The following TM2D1 variants were observed in gnomAD, a reference collection of about 807,000 sequenced individuals.
The protein encoded by TM2D1 is TM2 domain-containing protein 1.
TM2D1 carries 15 observed loss-of-function variants against 28.4 expected under a neutral mutation model. The ratio of observed to expected loss-of-function variants is 0.53; its 90% confidence interval spans 0.35 to 0.81. The LOEUF is 0.81. Among genes scored for constraint, TM2D1 ranks in the 40% least tolerant of loss-of-function variants. The pLI is 0.01. For missense variants in TM2D1, 236 were observed against 254.9 expected (o/e 0.93, Z 0.50); for synonymous variants, 93 against 96.2 (o/e 0.97, Z 0.20).
At chr1:61,714,283 C>T (rs941673751) in intron 2 of TM2D1, among the ~76,000 whole-genome samples, 4 of 151,420 alleles carry the variant, frequency 2.6e-5, no homozygotes, top group Non-Finnish European at 5.9e-5. Context: ...TGGCTCACAC[C>T]TGTAATCCCA....
rs1448150092 is a variant in TM2D1 at position 61,683,693 on chromosome 1, C to T, written c.514-147G>A. ...AGCAAAAATAGGTAATTTAGTGGCT[C>T]ATGTAGCTAAAAACAACTACTGGGA... On this transcript the variant is annotated intron_variant, in intron 5 of 6. Coordinates refer to ENST00000606498, the MANE Select transcript of TM2D1 (RefSeq NM_032027.3). 1.5e-5 allele frequency: 7 copies of T among 475,392 alleles called. No individual in the cohort carries two copies. The East Asian group carries it at 2.0e-4, about 14-fold the overall frequency. 29.4% of individuals were successfully genotyped at this position (475,392 alleles called of 1,614,324 possible).
intron 5 of TM2D1, among the ~76,000 whole-genome samples, chr1:61,691,932 A>AAAAAAATATAT: frequency 6.3e-4 from 48 of 76,384 alleles, no homozygotes; most frequent in African/African-American, 1.9e-3. Flanking sequence ...AAAAAAAAAA[A>AAAAAAATATAT]ATATATATAT....
intron 5 of TM2D1, chr1:61,686,704 C>T: frequency 1.5e-6 from 1 of 651,048 alleles, no homozygotes; most frequent in Non-Finnish European, 1.9e-6. Context: ...GTTTTAAGCA[C>T]CCACATACAC....
In TM2D1 at chr1:61,719,560, T is replaced by C. The variant is rs1270839448; in HGVS notation, c.238+4153A>G. On this transcript the variant is annotated intron_variant, in intron 2 of 6. Coordinates refer to ENST00000606498, the MANE Select transcript of TM2D1 (RefSeq NM_032027.3). ...CAGGCTAGAGTGCAGTGGCGCAATCTTGGCTCACTGCAACCTCCACCTCCC... is the reference window on the plus strand; with the variant it reads ...CAGGCTAGAGTGCAGTGGCGCAATCCTGGCTCACTGCAACCTCCACCTCCC... Among the ~76,000 whole-genome samples the C allele has an allele frequency of 3.3e-5, 5 of 151,858 alleles. No individual in the cohort carries two copies. The South Asian group carries it at 6.2e-4, about 19-fold the overall frequency.
intron 2 of TM2D1, among the ~76,000 whole-genome samples, chr1:61,718,044 G>C (rs1644535719): frequency 6.6e-6 from 1 of 152,132 alleles, no homozygotes; most frequent in Admixed American, 6.6e-5. Context: ...AACGCCAGGT[G>C]TGGTGGCTCA....
intron 2 of TM2D1, among the ~76,000 whole-genome samples, chr1:61,711,748 C>T (rs560757756): frequency 3.9e-5 from 6 of 152,160 alleles, no homozygotes; most frequent in Admixed American, 1.3e-4. Context: ...ATTAATGTGA[C>T]ATCCTTTAGA....
In TM2D1 at chr1:61,683,524, C is replaced by T; in HGVS notation, c.536G>A (p.Ser179Asn). 6.5e-7 allele frequency: 1 copy of T among 1,527,990 alleles called. No individual in the cohort carries two copies. The highest frequency in any genetic ancestry group is 8.8e-7 in the Non-Finnish European group (1 of 1,136,160). 94.7% of individuals were successfully genotyped at this position (1,527,990 alleles called of 1,614,324 possible). ...TCCATAGTAATCTATAATGTAACTA[C>T]TTCCATCTGAAGGTCCAACAATCTA... is the stretch of plus-strand genomic sequence containing the variant. ...SMQIVGPSDG[S>N]SYIIDYYGTR... The change falls in exon 6 of 7, where the codon AGT (serine) becomes AAT (asparagine). Residue 179 changes from serine to asparagine, a missense_variant. Physicochemically the swap from Ser to Asn is conservative, Grantham distance 46. Transcript: ENST00000606498.
intron 4 of TM2D1, chr1:61,700,137 T>C: frequency 4.7e-6 from 7 of 1,494,914 alleles, no homozygotes; most frequent in Non-Finnish European, 6.2e-6. Flanking sequence ...TAGCTGAGTG[T>C]CCTTGGGTAA....
intron 2 of TM2D1, 37 bp downstream of exon 2, chr1:61,723,676 A>T (rs1178119093): frequency 8.3e-7 from 1 of 1,200,860 alleles, no homozygotes; most frequent in Admixed American, 2.6e-5. Flanking sequence ...TAATGTTTTT[A>T]AAATTATTTT....
chr1:61,722,438 G>A (rs574113986), intron 2 of TM2D1, among the ~76,000 whole-genome samples: 3 of 152,074 alleles, frequency 2.0e-5, no homozygotes, highest in East Asian at 3.9e-4. Context: ...GCGCGATCTC[G>A]GCTCACTGTA....
At chr1:61,712,212 A>T (rs1644483846) in intron 2 of TM2D1, among the ~76,000 whole-genome samples, 1 of 152,168 alleles carries the variant, frequency 6.6e-6, no homozygotes, top group Admixed American at 6.6e-5. Flanking sequence ...TCCCCACAAC[A>T]ATGAATTACC....
intron 5 of TM2D1, among the ~76,000 whole-genome samples, chr1:61,691,932 A>AAAAATATATAT: frequency 5.0e-4 from 38 of 76,386 alleles, no homozygotes; most frequent in Non-Finnish European, 7.5e-4. Context: ...AAAAAAAAAA[A>AAAAATATATAT]ATATATATAT....
intron 2 of TM2D1, among the ~76,000 whole-genome samples, chr1:61,718,633 C>T (rs932326219): frequency 3.9e-5 from 6 of 152,100 alleles, no homozygotes; most frequent in Admixed American, 2.6e-4. Flanking sequence ...AAGTGATAAA[C>T]AATTAACATC....
intron 4 of TM2D1, chr1:61,699,978 G>C (rs545852797): frequency 1.6e-6 from 1 of 641,658 alleles, no homozygotes; most frequent in Admixed American, 4.4e-5. Context: ...TAGCAACATG[G>C]AAGAAATAAG....
chr1:61,711,429 T>C (rs1019608775), intron 2 of TM2D1, among the ~76,000 whole-genome samples: 1 of 151,190 alleles, frequency 6.6e-6, no homozygotes, highest in African/African-American at 2.4e-5. Context: ...GAGGGAGGAC[T>C]GCTTGAGCCC....
intron 2 of TM2D1, among the ~76,000 whole-genome samples, chr1:61,711,453 C>T (rs1226725829): frequency 6.6e-6 from 1 of 151,894 alleles, no homozygotes; most frequent in Non-Finnish European, 1.5e-5. Context: ...AGTCTGAGAC[C>T]AGCCTGGGCA....
intron 2 of TM2D1, among the ~76,000 whole-genome samples, chr1:61,719,055 TTTTTG>T (rs1433721360): frequency 2.0e-5 from 3 of 152,200 alleles, no homozygotes; most frequent in Non-Finnish European, 4.4e-5. Flanking sequence ...TATTTTCATT[TTTTTG>T]TTTTATTTTT....
chr1:61,725,108 A>C lies in TM2D1; in HGVS notation c.13T>G (p.Trp5Gly), dbSNP rs200054903. Residue 5 changes from tryptophan (W) to glycine (G), a missense_variant, in exon 1 of 7, where the codon TGG becomes GGG. Trp to Gly is a radical substitution (Grantham distance 184, BLOSUM62 -2). Around this residue, in one of 3 missense-constraint regions of TM2D1, gnomAD observed 167 missense variants for 162.7 expected, o/e 1.03. Coordinates refer to ENST00000606498, the MANE Select transcript of TM2D1 (RefSeq NM_032027.3). MAAA[W>G]PSGPSAPEAV... ...TCCGGAGCAGACGGACCAGACGGCCAGGCGGCCGCCATCTTGGAGACCGAC... is the reference window on the plus strand; with the variant it reads ...TCCGGAGCAGACGGACCAGACGGCCCGGCGGCCGCCATCTTGGAGACCGAC... 4 of 1,613,496 alleles carry C rather than the reference A, an allele frequency of 2.5e-6. No homozygotes were observed. In the South Asian group the frequency reaches 3.3e-5, roughly 13 times the overall value.
At chr1:61,714,358 T>A (rs189242164) in intron 2 of TM2D1, among the ~76,000 whole-genome samples, 20 of 151,728 alleles carry the variant, frequency 1.3e-4, no homozygotes, top group African/African-American at 4.1e-4. Context: ...CTGGCCAACA[T>A]GGTAAAACAC....
Sources: gnomAD v4.1 joint callset for allele counts (sites outside exome capture counted in the v4.1 genomes callset) on GRCh38, gnomAD v4.1.1 for gene constraint, gnomAD v4.1.1 regional missense constraint, MANE v1.5 for transcripts, NCBI Gene and HGNC (gene_info 2026-07-23, HGNC 2026-07-21) for gene names.